The following CACNA2D3 variants were observed in gnomAD, a reference collection of about 807,000 sequenced individuals.
CACNA2D3 encodes calcium voltage-gated channel auxiliary subunit alpha2delta 3.
A neutral mutation model predicts 160.6 loss-of-function variants in CACNA2D3; 60 were observed. That is an observed-to-expected ratio of 0.37 (90% confidence interval 0.30 to 0.46). The LOEUF (loss-of-function observed/expected upper bound fraction) is 0.46. Ranked by LOEUF, CACNA2D3 falls within the 20% of genes least tolerant of loss-of-function variation. The probability of loss-of-function intolerance (pLI) is 1.00; values close to 1 mark genes in which losing one functional copy is unlikely to be tolerated. For synonymous variants in CACNA2D3, 558 were observed against 492.9 expected, an observed-to-expected ratio of 1.13 and a Z score of -1.75; for missense variants, 1,205 against 1,365.0, an observed-to-expected ratio of 0.88 and a Z score of 1.85.
chr3:54,252,418 G>A (rs566330506), intron 2 of CACNA2D3, among the ~76,000 whole-genome samples: 10 of 152,294 alleles, frequency 6.6e-5, no homozygotes, highest in South Asian at 2.1e-4. Flanking sequence ...AAATAGGCTG[G>A]TGTCTTAGCT....
intron 4 of CACNA2D3, among the ~76,000 whole-genome samples, chr3:54,424,599 C>T (rs1699885942): frequency 6.6e-6 from 1 of 152,130 alleles, no homozygotes; most frequent in Admixed American, 6.5e-5. Context: ...GCATTCCAGT[C>T]AGATGCTGAG....
intron 27 of CACNA2D3, among the ~76,000 whole-genome samples, chr3:54,964,797 T>C (rs1166296907): frequency 6.6e-6 from 1 of 151,980 alleles, no homozygotes; most frequent in African/African-American, 2.4e-5. Flanking sequence ...TGCTTGTTTG[T>C]TGGGGGAGAG....
At chr3:54,697,766 T>C (rs937988028) in intron 11 of CACNA2D3, among the ~76,000 whole-genome samples, 2 of 152,220 alleles carry the variant, frequency 1.3e-5, no homozygotes, top group Admixed American at 1.3e-4. Flanking sequence ...AATCACCGAT[T>C]TTAATGGATG....
At chr3:54,375,882 G>C (rs1369198018) in intron 3 of CACNA2D3, among the ~76,000 whole-genome samples, 1 of 152,114 alleles carries the variant, frequency 6.6e-6, no homozygotes, top group Non-Finnish European at 1.5e-5. Flanking sequence ...GGTGACAAAA[G>C]TAGTGAAACA....
chr3:54,499,126 G>C (rs755617736), intron 4 of CACNA2D3, among the ~76,000 whole-genome samples: 2 of 152,070 alleles, frequency 1.3e-5, no homozygotes, highest in Non-Finnish European at 2.9e-5. Flanking sequence ...AAGTAGTATT[G>C]CTACAGGACC....
At chr3:54,641,162 T>G (rs1699511090) in intron 10 of CACNA2D3, among the ~76,000 whole-genome samples, 1 of 152,160 alleles carries the variant, frequency 6.6e-6, no homozygotes, top group Non-Finnish European at 1.5e-5. Context: ...GCCTAAGTTG[T>G]GGTCATGTTA....
At chr3:54,808,105 A>C (rs572757458) in intron 13 of CACNA2D3, among the ~76,000 whole-genome samples, 13 of 150,970 alleles carry the variant, frequency 8.6e-5, no homozygotes, top group Middle Eastern at 3.4e-3. Context: ...ACCTAATGCT[A>C]AATGATGAGT....
At chr3:54,487,951 G>T (rs1701042901) in intron 4 of CACNA2D3, among the ~76,000 whole-genome samples, 1 of 152,206 alleles carries the variant, frequency 6.6e-6, no homozygotes, top group Admixed American at 6.5e-5. Flanking sequence ...GGGCTTGGCA[G>T]TGACTGGAAA....
At chr3:54,364,248 A>G (rs1698791688) in intron 3 of CACNA2D3, among the ~76,000 whole-genome samples, 1 of 152,246 alleles carries the variant, frequency 6.6e-6, no homozygotes, top group Non-Finnish European at 1.5e-5. Flanking sequence ...CGTAGCTCAA[A>G]CATTGCCTGA....
intron 6 of CACNA2D3, among the ~76,000 whole-genome samples, chr3:54,566,900 G>C (rs557521382): frequency 6.6e-6 from 1 of 152,290 alleles, no homozygotes; most frequent in African/African-American, 2.4e-5. Context: ...CATGCTGTTT[G>C]CTAGTATCAA....
At chr3:54,626,784 G>A in intron 9 of CACNA2D3, 2 of 620,634 alleles carry the variant, frequency 3.2e-6, no homozygotes, top group Non-Finnish European at 5.6e-6. Context: ...ATGGGTGTGG[G>A]CTTTTGGGTC....
chr3:54,747,773 A>G (rs993115548), intron 11 of CACNA2D3, among the ~76,000 whole-genome samples: 4 of 152,082 alleles, frequency 2.6e-5, no homozygotes, highest in Admixed American at 6.5e-5. Flanking sequence ...CCCATTAGCT[A>G]TATGGCTTGT....
intron 15 of CACNA2D3, 144 bp from the exon 16 acceptor site, chr3:54,838,424 C>A: frequency 1.5e-6 from 1 of 681,536 alleles, no homozygotes; most frequent in East Asian, 2.6e-5. Flanking sequence ...ATAGAAGAGA[C>A]CATTCTTGGA....
intron 2 of CACNA2D3, among the ~76,000 whole-genome samples, chr3:54,220,821 G>A (rs1004955311): frequency 6.6e-6 from 1 of 152,200 alleles, no homozygotes; most frequent in African/African-American, 2.4e-5. Flanking sequence ...CAGCTATGCT[G>A]CTGAGTCCAG....
intron 2 of CACNA2D3, among the ~76,000 whole-genome samples, chr3:54,169,745 G>C (rs1411053155): frequency 6.6e-6 from 1 of 151,948 alleles, no homozygotes; most frequent in African/African-American, 2.4e-5. Context: ...GTGCGAGTGT[G>C]CATGTGTGTG....
intron 13 of CACNA2D3, among the ~76,000 whole-genome samples, chr3:54,768,998 T>G (rs72874222): frequency 0.021 from 3,185 of 151,970 alleles, 146 homozygotes; most frequent in African/African-American, 0.074. Context: ...GTCTGCCGGG[T>G]GAAGAGAAGG....
intron 14 of CACNA2D3, among the ~76,000 whole-genome samples, chr3:54,825,403 G>A (rs1017870913): frequency 6.6e-6 from 1 of 152,186 alleles, no homozygotes; most frequent in African/African-American, 2.4e-5. Flanking sequence ...GACACTCAAT[G>A]TTCTGTTTCC....
intron 27 of CACNA2D3, among the ~76,000 whole-genome samples, chr3:54,968,202 G>C (rs1044529526): frequency 6.6e-6 from 1 of 152,018 alleles, no homozygotes; most frequent in Non-Finnish European, 1.5e-5. Flanking sequence ...TAGAAATGCC[G>C]AAGTAACATG....
chr3:54,563,013 A>C (rs567393996), intron 6 of CACNA2D3, 82 bp downstream of exon 6: 4 of 1,335,594 alleles, frequency 3.0e-6, no homozygotes, highest in African/African-American at 1.5e-5. Flanking sequence ...TTCAAGGTTA[A>C]AACTTTTCTG....
Sources: gnomAD v4.1 joint callset for allele counts (sites outside exome capture counted in the v4.1 genomes callset) on GRCh38, gnomAD v4.1.1 for gene constraint, MANE v1.5 for transcripts, NCBI Gene and HGNC (gene_info 2026-07-23, HGNC 2026-07-21) for gene names.